RHO: variants seen among roughly 807,000 people sequenced by gnomAD.
RHO encodes the protein rhodopsin.
A neutral mutation model predicts 31.2 loss-of-function variants in RHO; 21 were observed. The ratio of observed to expected loss-of-function variants is 0.67; its 90% CI spans 0.48 to 0.97. The LOEUF is 0.97. Ranked by LOEUF, RHO falls within the 50% of genes least tolerant of loss-of-function variation. RHO has a pLI of 0.00. For missense variants in RHO, 414 were observed against 479.5 expected (o/e 0.86, Z 1.28); for synonymous variants, 211 against 196.6 (o/e 1.07, Z -0.61).
At chr3:129,529,850 G>A (rs1255704741) in intron 1 of RHO, among the ~76,000 whole-genome samples, 3 of 152,242 alleles carry the variant, frequency 2.0e-5, no homozygotes, top group East Asian at 1.9e-4. Context: ...ACTGAGGCAG[G>A]GAGAGGGGAA....
chr3:129,532,229 C>T lies in RHO; in HGVS notation c.531-22C>T. On this transcript the variant is annotated intron_variant, in intron 2 of 4. Transcript: ENST00000296271. The surrounding 1 kb of genome is among the most constrained non-coding windows in gnomAD (Gnocchi z 5.5). ...TTCCCAAGTCCCTCACAGGCAGGGTCTCCCTACCTGCCTGTCCTCAGGTAC... is the reference window on the plus strand; with the variant it reads ...TTCCCAAGTCCCTCACAGGCAGGGTTTCCCTACCTGCCTGTCCTCAGGTAC... 1 of 1,608,966 alleles carries T rather than the reference C, an allele frequency of 6.2e-7. No individual in the cohort carries two copies. Among genetic ancestry groups the T allele is most frequent in the Non-Finnish European group, 8.5e-7 (1 of 1,175,380 alleles).
Position 129,530,954 on chromosome 3 carries a change from G to A in RHO, c.440G>A (p.Arg147His), listed in dbSNP as rs746468201. The A allele has an allele frequency of 1.4e-5, 23 of 1,614,148 alleles. No homozygotes were observed. Among genetic ancestry groups the A allele is most frequent in the African/African-American group, 6.7e-5 (5 of 74,944 alleles). The change falls in exon 2 of 5, where the codon CGC (arginine) becomes CAC (histidine). Residue 147 changes from arginine (R) to histidine (H), a missense_variant. Transcript: ENST00000296271. ...VVVCKPMSNF[R>H]FGENHAIMGV... ...GTGTGTAAGCCCATGAGCAACTTCCGCTTCGGGGAGAACCATGCCATCATG... is the reference window on the plus strand; with the variant it reads ...GTGTGTAAGCCCATGAGCAACTTCCACTTCGGGGAGAACCATGCCATCATG...
chr3:129,531,274 C>CA (rs1438934322), intron 2 of RHO, among the ~76,000 whole-genome samples: 1 of 152,242 alleles, frequency 6.6e-6, no homozygotes, highest in African/African-American at 2.4e-5. Context: ...CAAGACATCC[C>CA]AACCCTTCAC....
intron 4 of RHO, among the ~76,000 whole-genome samples, chr3:129,533,394 T>A (rs2084798970): frequency 6.6e-6 from 1 of 152,172 alleles, no homozygotes; most frequent in Non-Finnish European, 1.5e-5. Context: ...ATGTCACGGG[T>A]GACACAGCCC....
rs1474265438 is a variant in RHO at position 129,535,339 on chromosome 3, AC to A, written c.*1625del. The stretch of plus-strand genomic sequence containing the variant: ...GGAGGCAGTCCTGGGAATGGGAAAA[AC>A]CCCAACTTTGGGGTCATAGAGGCAC... On this transcript the variant is annotated 3_prime_UTR_variant, in exon 5 of 5. Transcript: ENST00000296271. Among the ~76,000 whole-genome samples, 3 of 99,254 alleles carry A rather than the reference AC, an allele frequency of 3.0e-5. No homozygotes were observed. The highest frequency in any genetic ancestry group is 1.3e-4 in the African/African-American group (2 of 15,950). 65.1% of individuals were successfully genotyped at this position (99,254 alleles called of 152,430 possible).
rs189018030 is a variant in RHO, at chr3:129,532,260, C to T, written c.540C>T (p.Pro180=). The part of the protein sequence containing the change: ...PPLAGWSRYI[P]EGLQCSCGID... Reference sequence around the variant, plus strand: ...ACCTGCCTGTCCTCAGGTACATCCCCGAGGGCCTGCAGTGCTCGTGTGGAA... The same window carrying T: ...ACCTGCCTGTCCTCAGGTACATCCCTGAGGGCCTGCAGTGCTCGTGTGGAA... Residue 180 remains proline (P), a synonymous_variant, in exon 3 of 5, where the codon CCC becomes CCT. Coordinates refer to ENST00000296271, the MANE Select transcript of RHO (RefSeq NM_000539.3). This position sits in a 1 kb window ranked among gnomAD's most constrained non-coding sequence, Gnocchi z 5.5. The T allele has an allele frequency of 2.9e-5, 47 of 1,614,000 alleles. No individual in the cohort carries two copies. Among genetic ancestry groups the T allele is most frequent in the Admixed American group, 5.0e-5 (3 of 60,016 alleles).
rs1456628166 is a variant in RHO, at chr3:129,532,471, G to A, written c.696+55G>A. ...GCTCTGAGGGTCCAGCCCCCAGCAT[G>A]CATCTGCGGCTCCTGCTCCCTGGAG... is the stretch of plus-strand genomic sequence containing the variant. On this transcript the variant is annotated intron_variant, in intron 3 of 4. Transcript: ENST00000296271. This position sits in a 1 kb window ranked among gnomAD's most constrained non-coding sequence, Gnocchi z 5.5. 5 of 1,613,800 alleles carry A rather than the reference G, an allele frequency of 3.1e-6. No individual in the cohort carries two copies. The highest frequency in any genetic ancestry group is 1.1e-5 in the South Asian group (1 of 91,082).
In RHO at chr3:129,532,369, A is replaced by ATTATCATC; in HGVS notation, c.652_659dup (p.Phe220LeufsTer46). 2 of 1,613,498 alleles carry ATTATCATC rather than the reference A, an allele frequency of 1.2e-6. No homozygotes were observed. The highest frequency in any genetic ancestry group is 1.7e-6 in the Non-Finnish European group (2 of 1,179,936). ...CGTGGTCCACTTCACCATCCCCATG[A>ATTATCATC]TTATCATCTTTTTCTGCTATGGGCA... On this transcript the variant is annotated frameshift_variant, in exon 3 of 5. Coordinates refer to ENST00000296271, the MANE Select transcript of RHO (RefSeq NM_000539.3). LOFTEE classifies it high-confidence loss of function. This position sits in a 1 kb window ranked among gnomAD's most constrained non-coding sequence, Gnocchi z 5.5.
Position 129,532,299 on chromosome 3 carries a change from G to T in RHO, c.579G>T (p.Thr193=). The T allele has an allele frequency of 6.2e-7, 1 of 1,614,008 alleles. No homozygotes were observed. ...LQCSCGIDYY[T]LKPEVNNESF... ...GCTCGTGTGGAATCGACTACTACAC[G>T]CTCAAGCCGGAGGTCAACAACGAGT... Residue 193 remains threonine (T), a synonymous_variant, in exon 3 of 5, where the codon ACG becomes ACT. Transcript: ENST00000296271. The surrounding 1 kb of genome is among the most constrained non-coding windows in gnomAD (Gnocchi z 5.5).
Position 129,532,907 on chromosome 3 carries a change from G to C in RHO, c.936+135G>C. The stretch of plus-strand genomic sequence containing the variant: ...GCAGTCTTGGGTCAGCAGTCCCAAT[G>C]GGGAGTGTGTGAGAAATGCAGATTC... On this transcript the variant is annotated intron_variant, in intron 4 of 4. Coordinates refer to ENST00000296271, the MANE Select transcript of RHO (RefSeq NM_000539.3). The surrounding 1 kb of genome is among the most constrained non-coding windows in gnomAD (Gnocchi z 5.5). The C allele has an allele frequency of 8.4e-7, 1 of 1,184,116 alleles. No individual in the cohort carries two copies. The highest frequency in any genetic ancestry group is 1.2e-6 in the Non-Finnish European group (1 of 815,408). 73.4% of individuals were successfully genotyped at this position (1,184,116 alleles called of 1,614,324 possible).
At position 129,532,428 on chromosome 3, in the gene RHO, G is replaced by C. The variant is rs55915536; in HGVS notation, c.696+12G>C. On this transcript the variant is annotated intron_variant, in intron 3 of 4. Coordinates refer to ENST00000296271, the MANE Select transcript of RHO (RefSeq NM_000539.3). The surrounding 1 kb of genome is among the most constrained non-coding windows in gnomAD (Gnocchi z 5.5). ...TCACCGTCAAGGAGGTACGGGCCGG[G>C]GGGTGGGCGGCCTCACGGCTCTGAG... 5.0e-6 allele frequency: 8 copies of C among 1,613,858 alleles called. No individual in the cohort carries two copies. The highest frequency in any genetic ancestry group is 2.2e-5 in the East Asian group (1 of 44,868).
Position 129,533,827 on chromosome 3 carries a change from C to A in RHO, c.*109C>A. The A allele has an allele frequency of 2.7e-6, 2 of 731,474 alleles. No homozygotes were observed. Among genetic ancestry groups the A allele is most frequent in the Non-Finnish European group, 4.7e-6 (2 of 426,202 alleles). 45.3% of individuals were successfully genotyped at this position (731,474 alleles called of 1,614,324 possible). ...AGCGCCTGTGCAGAATGAACGAAGT[C>A]ACATAGGCTCCTTAATTTTTTTTTT... is the stretch of plus-strand genomic sequence containing the variant. On this transcript the variant is annotated 3_prime_UTR_variant, in exon 5 of 5. Coordinates refer to ENST00000296271, the MANE Select transcript of RHO (RefSeq NM_000539.3).
chr3:129,532,365 C>G lies in RHO; in HGVS notation c.645C>G (p.Pro215=). ...IYMFVVHFTI[P]MIIIFFCYGQ... is the part of the protein sequence containing the mutation. Reference sequence around the variant, plus strand: ...TGTTCGTGGTCCACTTCACCATCCCCATGATTATCATCTTTTTCTGCTATG... The same window carrying G: ...TGTTCGTGGTCCACTTCACCATCCCGATGATTATCATCTTTTTCTGCTATG... The change falls in exon 3 of 5, where the codon CCC becomes CCG. Residue 215 remains proline, a synonymous_variant. Coordinates refer to ENST00000296271, the MANE Select transcript of RHO (RefSeq NM_000539.3). The surrounding 1 kb of genome is among the most constrained non-coding windows in gnomAD (Gnocchi z 5.5). 1 of 1,614,014 alleles carries G rather than the reference C, an allele frequency of 6.2e-7. No individual in the cohort carries two copies. The highest frequency in any genetic ancestry group is 2.2e-5 in the East Asian group (1 of 44,854).
At chr3:129,530,413 G>A (rs2084769746) in intron 1 of RHO, among the ~76,000 whole-genome samples, 2 of 151,932 alleles carry the variant, frequency 1.3e-5, no homozygotes, top group African/African-American at 4.8e-5. Context: ...AGAAGGGAGA[G>A]GGAGGAAGGA....
chr3:129,530,012 G>A (rs1368664660), intron 1 of RHO, among the ~76,000 whole-genome samples: 2 of 152,188 alleles, frequency 1.3e-5, no homozygotes, highest in African/African-American at 2.4e-5. Flanking sequence ...AGCCACAAGC[G>A]TCTCTCTGCC....
chr3:129,535,195 A>C lies in RHO; in HGVS notation c.*1477A>C, dbSNP rs184124255. The C allele has an allele frequency of 6.6e-6, 1 of 152,472 alleles. No individual in the cohort carries two copies. The highest frequency in any genetic ancestry group is 1.9e-4 in the East Asian group (1 of 5,162). 9.4% of individuals were successfully genotyped at this position (152,472 alleles called of 1,614,324 possible). The stretch of plus-strand genomic sequence containing the variant: ...CGGTGGTGGGTTTTGTTGCTTTCAC[A>C]CTCTATCCACAGGATAGATTGAAAC... On this transcript the variant is annotated 3_prime_UTR_variant, in exon 5 of 5. Transcript: ENST00000296271.
intron 2 of RHO, among the ~76,000 whole-genome samples, chr3:129,531,351 C>T (rs1279641372): frequency 2.0e-5 from 3 of 152,206 alleles, no homozygotes; most frequent in African/African-American, 4.8e-5. Context: ...TCTAGTACCC[C>T]GGGGGCAGCC....
In RHO at chr3:129,530,865, C is replaced by T. The variant is rs957907715; in HGVS notation, c.362-11C>T. 4 of 1,614,258 alleles carry T rather than the reference C, an allele frequency of 2.5e-6. No individual in the cohort carries two copies. Among genetic ancestry groups the T allele is most frequent in the Middle Eastern group, 1.6e-4 (1 of 6,062 alleles). On this transcript the variant is annotated splice_polypyrimidine_tract_variant and intron_variant, in intron 1 of 4. Transcript: ENST00000296271. ...GGGGTCTGTGCTGACCGCCTGCTGA[C>T]TGCCTTGCAGGTGAAATTGCCCTGT... is the stretch of plus-strand genomic sequence containing the variant.
At chr3:129,530,173 C>T (rs982527490) in intron 1 of RHO, among the ~76,000 whole-genome samples, 3 of 152,152 alleles carry the variant, frequency 2.0e-5, no homozygotes, top group Non-Finnish European at 4.4e-5. Flanking sequence ...GGTGGTTGTT[C>T]TCTGCAGGGT....
Sources: allele counts gnomAD v4.1 joint callset (sites outside exome capture counted in the v4.1 genomes callset), GRCh38; gene constraint gnomAD v4.1.1; non-coding constraint Gnocchi (gnomAD v3.1); transcripts MANE v1.5; gene names NCBI Gene and HGNC (gene_info 2026-07-23, HGNC 2026-07-21).